NTM: variants seen among roughly 807,000 people sequenced by gnomAD.
The protein encoded by NTM is IgLON family member 2.
Under a neutral mutation model 42.1 loss-of-function variants are expected in NTM, and 13 were observed. The observed-to-expected ratio is 0.31, with a 90% CI of 0.20 to 0.49. The LOEUF (loss-of-function observed/expected upper bound fraction) is 0.49. NTM is among the 20% of genes least tolerant of loss of function. The pLI is 0.99. For synonymous variants in NTM, 187 were observed against 179.2 expected, an observed-to-expected ratio of 1.04 and a Z score of -0.35; for missense variants, 373 against 452.8, an observed-to-expected ratio of 0.82 and a Z score of 1.60.
intron 1 of NTM, among the ~76,000 whole-genome samples, chr11:131,517,585 A>G (rs1591907784): frequency 6.6e-6 from 1 of 151,248 alleles, no homozygotes; most frequent in East Asian, 1.9e-4. Flanking sequence ...CTCAAGCATC[A>G]CTCTTTTTTT....
At chr11:131,615,633 G>C (rs1247288630) in intron 1 of NTM, among the ~76,000 whole-genome samples, 1 of 152,142 alleles carries the variant, frequency 6.6e-6, no homozygotes, top group Admixed American at 6.5e-5. Flanking sequence ...GCCTCCCGAA[G>C]TGCTGGGATC....
intron 2 of NTM, among the ~76,000 whole-genome samples, chr11:132,038,451 AG>A (rs1437139833): frequency 6.6e-6 from 1 of 152,172 alleles, no homozygotes; most frequent in Non-Finnish European, 1.5e-5. Flanking sequence ...TGAGTCTAGC[AG>A]GGCTGTTTGA....
chr11:131,682,654 C>T (rs925303004), intron 1 of NTM, among the ~76,000 whole-genome samples: 6 of 152,342 alleles, frequency 3.9e-5, no homozygotes, highest in East Asian at 1.9e-4. Flanking sequence ...ACACGGAGAG[C>T]GGGTCCTTCC....
chr11:131,691,467 C>T (rs1331095336), intron 1 of NTM, among the ~76,000 whole-genome samples: 1 of 152,214 alleles, frequency 6.6e-6, no homozygotes, highest in Non-Finnish European at 1.5e-5. Context: ...GGGGCGTGGG[C>T]AGGCGTGGAC....
At chr11:131,389,696 C>A (rs1366564932) in intron 1 of NTM, among the ~76,000 whole-genome samples, 1 of 152,174 alleles carries the variant, frequency 6.6e-6, no homozygotes, top group Non-Finnish European at 1.5e-5. Flanking sequence ...AAAACAACTT[C>A]TTAGACAATG....
rs1480127832 is a variant in NTM, at chr11:131,789,619, G to A, written c.83-121945G>A. Reference sequence around the variant, plus strand: ...AGAAGAAGAAGAAGAAGAAGAAGAAGAAGAAGAAGAAGAAGAAAAGAAGAA... The same window carrying A: ...AGAAGAAGAAGAAGAAGAAGAAGAAAAAGAAGAAGAAGAAGAAAAGAAGAA... On this transcript the variant is annotated intron_variant, in intron 1 of 8. Coordinates refer to ENST00000683400, the MANE Select transcript of NTM (RefSeq NM_001352005.2). Among the ~76,000 whole-genome samples, 105 of 85,172 alleles carry A rather than the reference G, an allele frequency of 1.2e-3. 2 individuals are homozygous for A. The highest frequency in any genetic ancestry group is 1.7e-3 in the Non-Finnish European group (75 of 42,906). The allele number at this position is 85,172 out of a possible 152,430, so 55.9% of individuals were successfully genotyped here.
At chr11:131,880,731 C>T (rs147164930) in intron 1 of NTM, among the ~76,000 whole-genome samples, 1 of 152,140 alleles carries the variant, frequency 6.6e-6, no homozygotes, top group Non-Finnish European at 1.5e-5. Flanking sequence ...TATAGCCTGG[C>T]TGTTCAGGAA....
chr11:132,012,536 T>G (rs2072442228), intron 2 of NTM, among the ~76,000 whole-genome samples: 1 of 152,168 alleles, frequency 6.6e-6, no homozygotes, highest in Non-Finnish European at 1.5e-5. Context: ...ATAAGAAATT[T>G]CTAAACATGT....
intron 3 of NTM, among the ~76,000 whole-genome samples, chr11:132,191,936 A>G (rs2079384182): frequency 6.6e-6 from 1 of 152,142 alleles, no homozygotes; most frequent in Non-Finnish European, 1.5e-5. Flanking sequence ...CTTGAAGATC[A>G]CTCCTTTGAA....
intron 1 of NTM, among the ~76,000 whole-genome samples, chr11:131,770,509 ATT>A (rs1387519591): frequency 1.8e-4 from 27 of 152,326 alleles, no homozygotes; most frequent in Admixed American, 1.8e-3. Context: ...TCTGAGAGGA[ATT>A]AGGTGTTTCC....
intron 2 of NTM, among the ~76,000 whole-genome samples, chr11:131,939,156 G>A (rs2059540631): frequency 1.3e-5 from 2 of 152,142 alleles, no homozygotes; most frequent in South Asian, 4.1e-4. Flanking sequence ...GCGGATCGGA[G>A]TCCTGAGCTT....
chr11:132,063,021 C>T (rs2080919988), intron 2 of NTM, among the ~76,000 whole-genome samples: 1 of 152,118 alleles, frequency 6.6e-6, no homozygotes. Context: ...TAGGTTAAAA[C>T]AACAGACATC....
chr11:132,035,706 C>T (rs974980775), intron 2 of NTM, among the ~76,000 whole-genome samples: 7 of 151,836 alleles, frequency 4.6e-5, no homozygotes, highest in Non-Finnish European at 8.8e-5. Flanking sequence ...TTCCTGTGTG[C>T]GTGAGCCCCA....
intron 1 of NTM, among the ~76,000 whole-genome samples, chr11:131,739,820 G>A (rs748309333): frequency 4.6e-5 from 7 of 152,126 alleles, no homozygotes; most frequent in East Asian, 1.9e-4. Context: ...CGTTCTCTTC[G>A]CTCTTCAAAT....
At chr11:132,058,800 C>T (rs997664502) in intron 2 of NTM, among the ~76,000 whole-genome samples, 2 of 152,192 alleles carry the variant, frequency 1.3e-5, no homozygotes, top group Non-Finnish European at 2.9e-5. Context: ...GGCCTGAATC[C>T]TCTTGTTTGA....
At chr11:131,977,616 T>A (rs1002434520) in intron 2 of NTM, among the ~76,000 whole-genome samples, 2 of 152,234 alleles carry the variant, frequency 1.3e-5, no homozygotes, top group African/African-American at 4.8e-5. Context: ...ACATTTCATT[T>A]GTGTGACATG....
intron 1 of NTM, among the ~76,000 whole-genome samples, chr11:131,824,577 G>T (rs780517563): frequency 6.6e-6 from 1 of 152,130 alleles, no homozygotes; most frequent in East Asian, 1.9e-4. Flanking sequence ...ATTGATGTAA[G>T]CATTCATTCA....
intron 1 of NTM, among the ~76,000 whole-genome samples, chr11:131,481,655 C>T (rs1953607262): frequency 2.1e-5 from 3 of 140,646 alleles, no homozygotes; most frequent in Non-Finnish European, 3.3e-5. Context: ...CCTAGGTCAG[C>T]ATAGGCAGCC....
intron 4 of NTM, among the ~76,000 whole-genome samples, chr11:132,257,496 G>C (rs577617598): frequency 6.6e-6 from 1 of 152,174 alleles, no homozygotes; most frequent in Admixed American, 6.5e-5. Context: ...AAGCTGGAGC[G>C]GGGAGGGACA....
Sources: gnomAD v4.1 joint callset for allele counts (sites outside exome capture counted in the v4.1 genomes callset) on GRCh38, gnomAD v4.1.1 for gene constraint, MANE v1.5 for transcripts, NCBI Gene and HGNC (gene_info 2026-07-23, HGNC 2026-07-21) for gene names.